The following DIAPH2 variants were observed in gnomAD, a reference collection of about 807,000 sequenced individuals.
The protein encoded by DIAPH2 is protein diaphanous homolog 2.
In DIAPH2, 35 loss-of-function variants were observed where a neutral mutation model predicts 92.7. That is an observed-to-expected ratio of 0.38 (90% CI 0.29 to 0.50). The LOEUF is 0.50. Among genes scored for constraint, DIAPH2 ranks in the 20% least tolerant of loss-of-function variants. The pLI is 0.94. For synonymous variants in DIAPH2, 301 were observed against 280.4 expected (o/e 1.07, Z -0.73); for missense variants, 701 against 819.5 (o/e 0.86, Z 1.77).
chrX:97,576,217 C>G (rs1208104774), intron 26 of DIAPH2, among the ~76,000 whole-genome samples: 1 of 111,432 alleles, frequency 9.0e-6, no homozygotes, highest in Non-Finnish European at 1.9e-5. Context: ...TTTTGGCCCT[C>G]TGACATCAAA....
intron 26 of DIAPH2, among the ~76,000 whole-genome samples, chrX:97,457,103 C>G (rs2070414166): frequency 9.0e-6 from 1 of 111,619 alleles, no homozygotes; most frequent in Non-Finnish European, 1.9e-5. Flanking sequence ...TCACTGTAAC[C>G]TCTGCCTCCT....
rs1370162483 is a variant in DIAPH2, at chrX:97,558,451, G to C, written c.3242-40802G>C. On this transcript the variant is annotated intron_variant, in intron 26 of 26. Transcript: ENST00000324765. ...AAGTCCCAGAACTGCAAAAAATTAA[G>C]TCCGTGTGGTTTTGGTTAGGATGAG... 3.6e-5 allele frequency among the ~76,000 whole-genome samples: 4 copies of C among 111,814 alleles called. No individual in the cohort carries two copies. The East Asian group carries it at 1.1e-3, about 31-fold the overall frequency.
At chrX:97,318,588 G>C (rs1447903004) in intron 23 of DIAPH2, among the ~76,000 whole-genome samples, 7 of 98,769 alleles carry the variant, frequency 7.1e-5, no homozygotes, top group Admixed American at 2.3e-4. Context: ...TGCCTCCCGG[G>C]TTCAAGCTAT....
intron 22 of DIAPH2, among the ~76,000 whole-genome samples, chrX:97,198,265 T>TACACAC (rs200339851): frequency 0.015 from 1,304 of 89,017 alleles, 20 homozygotes; most frequent in African/African-American, 0.034. Flanking sequence ...AACAACAAAA[T>TACACAC]ACACACACAC....
At chrX:97,297,740 C>T (rs1291724492) in intron 23 of DIAPH2, among the ~76,000 whole-genome samples, 2 of 109,363 alleles carry the variant, frequency 1.8e-5, no homozygotes, top group African/African-American at 3.3e-5. Context: ...CCAATATAAG[C>T]ATTACTATTA....
At chrX:97,134,431 C>G (rs1040240192) in intron 21 of DIAPH2, among the ~76,000 whole-genome samples, 1 of 111,720 alleles carries the variant, frequency 9.0e-6, no homozygotes, top group African/African-American at 3.3e-5. Context: ...AGACAATTGC[C>G]AAGCATCTTC....
At chrX:97,570,098 AT>A (rs2071355807) in intron 26 of DIAPH2, among the ~76,000 whole-genome samples, 1 of 30,865 alleles carries the variant, frequency 3.2e-5, no homozygotes, top group African/African-American at 1.0e-4. Context: ...ATATATATAT[AT>A]ATATATATAT....
intron 17 of DIAPH2, among the ~76,000 whole-genome samples, chrX:97,053,412 A>G (rs2066534544): frequency 9.0e-6 from 1 of 111,569 alleles, no homozygotes; most frequent in African/African-American, 3.3e-5. Context: ...ATTCTATCAT[A>G]CTTTCAGGAA....
intron 26 of DIAPH2, among the ~76,000 whole-genome samples, chrX:97,588,418 A>C (rs1320342735): frequency 9.0e-6 from 1 of 111,168 alleles, no homozygotes; most frequent in South Asian, 3.8e-4. Context: ...CCCGGAATGC[A>C]TGCTTTACTA....
intron 22 of DIAPH2, among the ~76,000 whole-genome samples, chrX:97,225,345 C>T (rs1230156437): frequency 1.8e-5 from 2 of 111,340 alleles, no homozygotes; most frequent in Non-Finnish European, 3.8e-5. Context: ...GGGTACCCTT[C>T]GTGTATGGGT....
At chrX:96,774,379 A>G (rs763219299) in intron 4 of DIAPH2, among the ~76,000 whole-genome samples, 4 of 111,919 alleles carry the variant, frequency 3.6e-5, no homozygotes, top group Non-Finnish European at 7.5e-5. Context: ...TTTTCTGCCA[A>G]CTGGAGAATA....
chrX:97,029,480 T>C (rs888657262), intron 17 of DIAPH2, among the ~76,000 whole-genome samples: 2 of 111,777 alleles, frequency 1.8e-5, no homozygotes, highest in African/African-American at 6.5e-5. Context: ...CTCTGGGTTG[T>C]GTTTTCATTT....
At chrX:96,873,645 TATACACACAC>T (rs1569417346) in intron 4 of DIAPH2, among the ~76,000 whole-genome samples, 3 of 68,537 alleles carry the variant, frequency 4.4e-5, no homozygotes, top group East Asian at 5.8e-4. Context: ...TGCGTATATA[TATACACACAC>T]ACACACACAC....
At chrX:96,852,583 T>C (rs1377924056) in intron 4 of DIAPH2, among the ~76,000 whole-genome samples, 1 of 111,385 alleles carries the variant, frequency 9.0e-6, no homozygotes, top group Non-Finnish European at 1.9e-5. Flanking sequence ...CATATTGGCC[T>C]GGGTTGCTAA....
chrX:97,474,195 A>G (rs574246061), intron 26 of DIAPH2, among the ~76,000 whole-genome samples: 213 of 112,258 alleles, frequency 1.9e-3, no homozygotes, highest in African/African-American at 6.7e-3. Context: ...GGAGTAGATC[A>G]TCAATGAGTA....
intron 9 of DIAPH2, among the ~76,000 whole-genome samples, chrX:96,926,065 T>A (rs2065579435): frequency 9.0e-6 from 1 of 111,676 alleles, no homozygotes; most frequent in African/African-American, 3.2e-5. Context: ...TCAATAAAAT[T>A]TTAAATGTAC....
chrX:96,749,357 G>A (rs776987166), intron 3 of DIAPH2, among the ~76,000 whole-genome samples: 141 of 110,119 alleles, frequency 1.3e-3, no homozygotes, highest in African/African-American at 4.5e-3. Flanking sequence ...TAACTTTTTA[G>A]TGAGAACAGT....
intron 24 of DIAPH2, among the ~76,000 whole-genome samples, chrX:97,371,614 C>T (rs2069448567): frequency 9.0e-6 from 1 of 111,416 alleles, no homozygotes; most frequent in Non-Finnish European, 1.9e-5. Context: ...TAGAGCCCTT[C>T]CTGTTCTGTG....
chrX:96,931,134 T>G (rs1042134943), intron 10 of DIAPH2, among the ~76,000 whole-genome samples: 1 of 110,084 alleles, frequency 9.1e-6, no homozygotes, highest in Non-Finnish European at 1.9e-5. Context: ...AACATGAGAC[T>G]TTTTTTTTGG....
Sources: allele counts gnomAD v4.1 joint callset (sites outside exome capture counted in the v4.1 genomes callset), GRCh38; gene constraint gnomAD v4.1.1; transcripts MANE v1.5; gene names NCBI Gene and HGNC (gene_info 2026-07-23, HGNC 2026-07-21).